Variants in MGAT5 observed in about 807,000 individuals in gnomAD.
MGAT5 encodes alpha-1,6-mannosylglycoprotein 6-beta-N-acetylglucosaminyltransferase.
MGAT5 carries 30 observed loss-of-function variants against 94.3 expected under a neutral mutation model. That is an observed-to-expected ratio of 0.32 (90% CI 0.24 to 0.43). The LOEUF is 0.43. Among genes scored for constraint, MGAT5 ranks in the 20% least tolerant of loss-of-function variants. The probability of loss-of-function intolerance (pLI) is 1.00; values close to 1 mark genes in which losing one functional copy is unlikely to be tolerated. For synonymous variants in MGAT5, 310 were observed against 322.9 expected, an observed-to-expected ratio of 0.96 and a Z score of 0.43; for missense variants, 691 against 905.5, an observed-to-expected ratio of 0.76 and a Z score of 3.04.
intron 2 of MGAT5, among the ~76,000 whole-genome samples, chr2:134,313,642 G>A (rs1397064465): frequency 1.3e-5 from 2 of 152,192 alleles, no homozygotes; most frequent in African/African-American, 2.4e-5. Context: ...GAAAGCTTGG[G>A]ATAAACAGTA....
chr2:134,381,330 C>CATAGATAGATAGATAG (rs10637591), intron 10 of MGAT5, among the ~76,000 whole-genome samples: 2,663 of 67,732 alleles, frequency 0.039, 139 homozygotes, highest in South Asian at 0.074. Flanking sequence ...AGACCTGTCT[C>CATAGATAGATAGATAG]ATAGATAGAT....
At chr2:134,384,594 T>A (rs531422058) in intron 10 of MGAT5, among the ~76,000 whole-genome samples, 1 of 152,358 alleles carries the variant, frequency 6.6e-6, no homozygotes, top group Middle Eastern at 3.4e-3. Context: ...CTTAAATTTC[T>A]CAAGTTCACA....
intron 2 of MGAT5, among the ~76,000 whole-genome samples, chr2:134,299,288 A>C (rs114265826): frequency 0.014 from 2,182 of 152,288 alleles, 18 homozygotes; most frequent in Non-Finnish European, 0.021. Context: ...CAATTAGAGG[A>C]TGGTCAAAGC....
At chr2:134,236,170 T>C (rs1000341719) in intron 1 of MGAT5, among the ~76,000 whole-genome samples, 1 of 152,212 alleles carries the variant, frequency 6.6e-6, no homozygotes, top group Non-Finnish European at 1.5e-5. Context: ...CTCTGCGCAG[T>C]GTTCAGAGTT....
chr2:134,142,384 G>T (rs1383577200), intron 1 of MGAT5, among the ~76,000 whole-genome samples: 1 of 152,248 alleles, frequency 6.6e-6, no homozygotes, highest in Non-Finnish European at 1.5e-5. Flanking sequence ...CCGCCTGAGT[G>T]GAGCAGGCCT....
intron 10 of MGAT5, among the ~76,000 whole-genome samples, chr2:134,386,232 A>T (rs1681964387): frequency 6.6e-6 from 1 of 152,208 alleles, no homozygotes; most frequent in Non-Finnish European, 1.5e-5. Flanking sequence ...TGAACCAACC[A>T]TTGATAGGAA....
chr2:134,454,349 T>C lies in MGAT5; in HGVS notation c.*5502T>C, dbSNP rs1686259180. On this transcript the variant is annotated 3_prime_UTR_variant, in exon 16 of 16. Coordinates refer to ENST00000281923, the MANE Select transcript of MGAT5 (RefSeq NM_002410.5). ...CAAGTATTAATAGCATAATAGTTGA[T>C]GCCAAAGGAGATGGTGACGTCCCTT... is the stretch of plus-strand genomic sequence containing the variant. The C allele has an allele frequency of 6.6e-6, 1 of 152,222 alleles. No individual in the cohort carries two copies. Among genetic ancestry groups the C allele is most frequent in the Non-Finnish European group, 1.5e-5 (1 of 68,044 alleles). The allele number at this position is 152,222 out of a possible 1,614,324, so 9.4% of individuals were successfully genotyped here. A position where few individuals can be genotyped will look rare whatever the true frequency, so the allele number is the denominator to read the frequency against.
upstream of MGAT5, among the ~76,000 whole-genome samples, chr2:134,253,902 A>G (rs1682770274): frequency 6.6e-6 from 1 of 152,198 alleles, no homozygotes; most frequent in African/African-American, 2.4e-5. Flanking sequence ...GGCACACAAA[A>G]GGGCCTGATG....
intron 9 of MGAT5, among the ~76,000 whole-genome samples, chr2:134,355,446 T>C (rs1679674041): frequency 6.6e-6 from 1 of 152,232 alleles, no homozygotes; most frequent in African/African-American, 2.4e-5. Flanking sequence ...TGGGGATGCT[T>C]TTGTTATTTC....
rs969076385 is a variant in MGAT5 at position 134,254,335 on chromosome 2, C to G, written c.-69C>G. On this transcript the variant is annotated 5_prime_UTR_variant, in exon 1 of 16. Transcript: ENST00000281923. ...AGACCAGCAGACTCTCACACTCAAC[C>G]TACACCATGAATTTGTGTCTATCTT... The G allele has an allele frequency of 3.2e-6, 5 of 1,576,808 alleles. No homozygotes were observed. Among genetic ancestry groups the G allele is most frequent in the Non-Finnish European group, 4.3e-6 (5 of 1,159,968 alleles).
chr2:134,446,415 C>T (rs1007754660), intron 15 of MGAT5, among the ~76,000 whole-genome samples: 2 of 151,984 alleles, frequency 1.3e-5, no homozygotes, highest in African/African-American at 4.8e-5. Flanking sequence ...AGTAAAGCCA[C>T]AGCAGCTGCT....
intron 9 of MGAT5, among the ~76,000 whole-genome samples, 182 bp downstream of exon 9, chr2:134,350,120 G>A (rs558485509): frequency 3.9e-5 from 2 of 51,836 alleles, no homozygotes; most frequent in South Asian, 6.4e-4. Flanking sequence ...AGTTGAAATC[G>A]AAAGGCCACA....
intron 10 of MGAT5, among the ~76,000 whole-genome samples, chr2:134,386,023 G>A (rs998854859): frequency 2.0e-5 from 3 of 152,134 alleles, no homozygotes; most frequent in East Asian, 1.9e-4. Context: ...CTTGTTATCC[G>A]GCGGAACCAC....
At position 134,448,904 on chromosome 2, in the gene MGAT5, G is replaced by A. The variant is rs933429939; in HGVS notation, c.*57G>A. ...TGGGGAAGACAGTGGCCCCAGCCCC[G>A]TCAGGCAGGGCCAGGGACAGAAGTC... On this transcript the variant is annotated 3_prime_UTR_variant, in exon 16 of 16. Transcript: ENST00000281923. The A allele has an allele frequency of 3.8e-5, 59 of 1,533,834 alleles. No individual in the cohort carries two copies. The highest frequency in any genetic ancestry group is 9.2e-5 in the South Asian group (8 of 87,054).
intron 13 of MGAT5, 106 bp downstream of exon 13, chr2:134,423,025 G>A: frequency 5.2e-6 from 4 of 763,534 alleles, no homozygotes; most frequent in Non-Finnish European, 8.8e-6. Context: ...TACCACATCA[G>A]CTTAACTCTG....
chr2:134,193,147 A>G (rs1038501076), intron 1 of MGAT5, among the ~76,000 whole-genome samples: 7 of 149,974 alleles, frequency 4.7e-5, no homozygotes, highest in Non-Finnish European at 1.0e-4. Flanking sequence ...TTTTGAGACA[A>G]GGTCTCGCTA....
intron 12 of MGAT5, among the ~76,000 whole-genome samples, chr2:134,419,552 T>C (rs1438154519): frequency 6.6e-6 from 1 of 151,550 alleles, no homozygotes; most frequent in Non-Finnish European, 1.5e-5. Context: ...TAATGTCTCA[T>C]ATTTAATAAG....
intron 2 of MGAT5, among the ~76,000 whole-genome samples, chr2:134,315,913 A>C (rs1037380359): frequency 6.6e-6 from 1 of 152,204 alleles, no homozygotes; most frequent in Admixed American, 6.5e-5. Context: ...CACACTATCA[A>C]AATAACTGGT....
chr2:134,400,509 C>T (rs1054055091), intron 10 of MGAT5, among the ~76,000 whole-genome samples: 1 of 152,002 alleles, frequency 6.6e-6, no homozygotes, highest in African/African-American at 2.4e-5. Context: ...CTGAACTTGC[C>T]CCCTTGTTAT....
Sources: gnomAD v4.1 joint callset for allele counts (sites outside exome capture counted in the v4.1 genomes callset) on GRCh38, gnomAD v4.1.1 for gene constraint, MANE v1.5 for transcripts, NCBI Gene and HGNC (gene_info 2026-07-23, HGNC 2026-07-21) for gene names.